The following ARHGAP24 variants were observed in gnomAD, a reference collection of about 807,000 sequenced individuals.
The protein encoded by ARHGAP24 is rho GTPase-activating protein 24.
Under a neutral mutation model 76.4 loss-of-function variants are expected in ARHGAP24, and 50 were observed. The ratio of observed to expected loss-of-function variants is 0.65; its 90% CI spans 0.52 to 0.83. The LOEUF is 0.83. Ranked by LOEUF, ARHGAP24 falls within the 40% of genes least tolerant of loss-of-function variation. The probability of loss-of-function intolerance (pLI) is 0.00; values close to 1 mark genes in which losing one functional copy is unlikely to be tolerated. For synonymous variants in ARHGAP24, 345 were observed against 323.3 expected (o/e 1.07, Z -0.72); for missense variants, 930 against 914.2 (o/e 1.02, Z -0.22).
chr4:85,831,239 G>A (rs936669097), intron 3 of ARHGAP24, among the ~76,000 whole-genome samples: 1 of 152,028 alleles, frequency 6.6e-6, no homozygotes, highest in African/African-American at 2.4e-5. Flanking sequence ...CACATTAAGA[G>A]CCCCAAAATT....
chr4:85,527,423 T>C (rs1048528572), intron 1 of ARHGAP24, among the ~76,000 whole-genome samples: 1 of 152,120 alleles, frequency 6.6e-6, no homozygotes, highest in Non-Finnish European at 1.5e-5. Context: ...TATTAATAAT[T>C]GAAAGGCAAA....
In ARHGAP24 at chr4:85,995,663, G is replaced by GA; in HGVS notation, c.2003+10dup. ...TATGAGTCCAGGATAAAGAGGTAAG[G>GA]AAAATCTGGAGGTCGTAACTACCAG... On this transcript the variant is annotated splice_region_variant and intron_variant, in intron 9 of 9. Transcript: ENST00000395184. 1 of 1,613,522 alleles carries GA rather than the reference G, an allele frequency of 6.2e-7. No individual in the cohort carries two copies. The highest frequency in any genetic ancestry group is 1.1e-5 in the South Asian group (1 of 91,010).
chr4:85,809,786 C>G (rs925419092), intron 3 of ARHGAP24, among the ~76,000 whole-genome samples: 2 of 152,176 alleles, frequency 1.3e-5, no homozygotes, highest in African/African-American at 4.8e-5. Flanking sequence ...CCAGGACAGA[C>G]TGCAAGAAGC....
chr4:85,995,921 G>T (rs1473649919), intron 9 of ARHGAP24, among the ~76,000 whole-genome samples: 1 of 152,140 alleles, frequency 6.6e-6, no homozygotes, highest in Non-Finnish European at 1.5e-5. Flanking sequence ...GTACAGAATA[G>T]GCTCAATAAT....
chr4:85,975,678 G>T (rs1739278186), intron 7 of ARHGAP24: 1 of 152,268 alleles, frequency 6.6e-6, no homozygotes, highest in South Asian at 2.1e-4. Flanking sequence ...TAAATAGAGA[G>T]TGATGATTGG....
At chr4:85,580,442 G>A (rs567362627) in intron 2 of ARHGAP24, among the ~76,000 whole-genome samples, 35 of 152,054 alleles carry the variant, frequency 2.3e-4, no homozygotes, top group Non-Finnish European at 4.1e-4. Flanking sequence ...CTCAGAATTG[G>A]CAGTACACCC....
At chr4:85,965,093 T>C (rs1199184457) in intron 5 of ARHGAP24, among the ~76,000 whole-genome samples, 1 of 152,080 alleles carries the variant, frequency 6.6e-6, no homozygotes, top group Non-Finnish European at 1.5e-5. Context: ...ATGCTACTGA[T>C]AAAGACATAC....
chr4:85,496,331 A>G lies in ARHGAP24; in HGVS notation c.-21+20772A>G, dbSNP rs116544344. ...TTCAGGCTTAGCATTTGTAAAACAG[A>G]AACAGCTTGTGAGTTTTACCATAGG... On this transcript the variant is annotated intron_variant, in intron 1 of 9. Coordinates refer to ENST00000395184, the MANE Select transcript of ARHGAP24 (RefSeq NM_001025616.3). Among the ~76,000 whole-genome samples, 805 of 152,362 alleles carry G rather than the reference A, an allele frequency of 5.3e-3. 5 individuals are homozygous for G. Among genetic ancestry groups the G allele is most frequent in the Middle Eastern group, 0.02 (6 of 294 alleles).
intron 2 of ARHGAP24, among the ~76,000 whole-genome samples, chr4:85,601,447 A>G (rs918744559): frequency 6.6e-6 from 1 of 152,168 alleles, no homozygotes; most frequent in Non-Finnish European, 1.5e-5. Context: ...TCAACTCAGT[A>G]CTATTGGAAT....
intron 3 of ARHGAP24, among the ~76,000 whole-genome samples, chr4:85,731,705 G>A (rs1178980957): frequency 6.6e-6 from 1 of 152,142 alleles, no homozygotes; most frequent in African/African-American, 2.4e-5. Context: ...ACTATAGTTT[G>A]CGTTAATATA....
intron 3 of ARHGAP24, among the ~76,000 whole-genome samples, chr4:85,743,169 C>T (rs1725887580): frequency 6.6e-6 from 1 of 151,134 alleles, no homozygotes; most frequent in Non-Finnish European, 1.5e-5. Context: ...TCATATAATT[C>T]AGCTAAAAAA....
At chr4:85,639,714 A>G (rs1721454014) in intron 2 of ARHGAP24, among the ~76,000 whole-genome samples, 1 of 151,920 alleles carries the variant, frequency 6.6e-6, no homozygotes, top group South Asian at 2.1e-4. Context: ...AAAAAAAAAA[A>G]AAGGAGGGGA....
At chr4:85,699,683 C>A (rs757395016) in intron 2 of ARHGAP24, among the ~76,000 whole-genome samples, 1 of 152,012 alleles carries the variant, frequency 6.6e-6, no homozygotes. Context: ...CTCCCCACCC[C>A]GCTATAACTC....
At chr4:85,594,295 G>C (rs1161460398) in intron 2 of ARHGAP24, among the ~76,000 whole-genome samples, 2 of 151,766 alleles carry the variant, frequency 1.3e-5, no homozygotes. Context: ...TTTGTTTGTT[G>C]ATTTTGTATC....
intron 8 of ARHGAP24, 50 bp from the exon 9 acceptor site, chr4:85,994,529 GAAAT>G: frequency 6.6e-7 from 1 of 1,526,562 alleles, no homozygotes; most frequent in Non-Finnish European, 9.1e-7. Context: ...CATTGAAATA[GAAAT>G]AAATAAAAAC....
intron 1 of ARHGAP24, among the ~76,000 whole-genome samples, chr4:85,480,756 C>A (rs1307910324): frequency 6.6e-6 from 1 of 152,008 alleles, no homozygotes; most frequent in Non-Finnish European, 1.5e-5. Context: ...GGAAAAAAAT[C>A]ACATTTTAGT....
intron 2 of ARHGAP24, among the ~76,000 whole-genome samples, chr4:85,672,871 T>A (rs1208241060): frequency 6.6e-6 from 1 of 152,228 alleles, no homozygotes; most frequent in Non-Finnish European, 1.5e-5. Context: ...CTTATTTTCT[T>A]CATGTCTGTT....
intron 3 of ARHGAP24, among the ~76,000 whole-genome samples, chr4:85,771,862 A>G (rs935970030): frequency 5.3e-5 from 8 of 152,072 alleles, no homozygotes; most frequent in African/African-American, 1.9e-4. Flanking sequence ...GGTGCGCACC[A>G]ACACACCCAG....
intron 3 of ARHGAP24, among the ~76,000 whole-genome samples, chr4:85,888,920 C>T (rs1365760118): frequency 2.0e-5 from 3 of 152,160 alleles, no homozygotes; most frequent in Non-Finnish European, 4.4e-5. Context: ...ATAATGGCCT[C>T]CAGCTCCATT....
Sources: allele counts gnomAD v4.1 joint callset (sites outside exome capture counted in the v4.1 genomes callset), GRCh38; gene constraint gnomAD v4.1.1; transcripts MANE v1.5; gene names NCBI Gene and HGNC (gene_info 2026-07-23, HGNC 2026-07-21).